GLS: variants seen among roughly 807,000 people sequenced by gnomAD.
GLS encodes glutaminase.
In GLS, 36 loss-of-function variants were observed where a neutral mutation model predicts 86.7. That is an observed-to-expected ratio of 0.42 (90% CI 0.32 to 0.55). The LOEUF (loss-of-function observed/expected upper bound fraction) is 0.55. GLS is among the 20% of genes least tolerant of loss of function. The pLI, the probability that GLS is intolerant of heterozygous loss-of-function variation, is 0.17. For missense variants in GLS, 528 were observed against 833.4 expected, an observed-to-expected ratio of 0.63 and a Z score of 4.51; for synonymous variants, 317 against 305.9, an observed-to-expected ratio of 1.04 and a Z score of -0.38.
chr2:190,936,832 T>G (rs1278404476), intron 14 of GLS, among the ~76,000 whole-genome samples: 1 of 151,294 alleles, frequency 6.6e-6, no homozygotes, highest in Non-Finnish European at 1.5e-5. Context: ...CAGTTTTTAG[T>G]TTTAAGAATC....
intron 14 of GLS, chr2:190,933,081 T>C (rs1690160727): frequency 1.0e-6 from 1 of 989,976 alleles, no homozygotes; most frequent in South Asian, 4.9e-5. Context: ...TACATAAATT[T>C]GCTTTATTTT....
intron 6 of GLS, among the ~76,000 whole-genome samples, chr2:190,909,306 ATATT>A (rs1484331606): frequency 6.6e-6 from 1 of 152,224 alleles, no homozygotes; most frequent in East Asian, 1.9e-4. Context: ...ATTACTTCAT[ATATT>A]TATTTGTAAT....
intron 14 of GLS, among the ~76,000 whole-genome samples, chr2:190,940,862 A>G (rs1404888938): frequency 3.9e-5 from 6 of 152,004 alleles, no homozygotes; most frequent in Non-Finnish European, 8.8e-5. Flanking sequence ...ATGAAAATGT[A>G]TAACCTTTAA....
At chr2:190,928,509 A>G (rs1052472371) in intron 12 of GLS, among the ~76,000 whole-genome samples, 8 of 151,374 alleles carry the variant, frequency 5.3e-5, no homozygotes, top group African/African-American at 1.9e-4. Context: ...TAATTTTTGT[A>G]TTTTTAGTAG....
Position 190,900,675 on chromosome 2 carries a change from A to C in GLS, c.717A>C (p.Lys239Asn), listed in dbSNP as rs374930283. Reference sequence around the variant, plus strand: ...TTGATGAGTTATATGAAAGTGCTAAAAAGCAGTCTGGAGGAAAGGTAATGC... The same window carrying C: ...TTGATGAGTTATATGAAAGTGCTAACAAGCAGTCTGGAGGAAAGGTAATGC... ...SHIDELYESAKKQSGGKVADY... is the reference protein window; with the variant it reads ...SHIDELYESANKQSGGKVADY... The change falls in exon 4 of 18, where the codon AAA (lysine) becomes AAC (asparagine). Residue 239 changes from lysine to asparagine, a missense_variant. Lys to Asn is a moderately conservative substitution (Grantham distance 94, BLOSUM62 0). Coordinates refer to ENST00000320717, the MANE Select transcript of GLS (RefSeq NM_014905.5). 1.9e-6 allele frequency: 3 copies of C among 1,607,540 alleles called. No homozygotes were observed. In the African/African-American group the frequency reaches 4.0e-5, roughly 21 times the overall value.
intron 1 of GLS, among the ~76,000 whole-genome samples, chr2:190,882,902 G>T (rs558745360): frequency 6.6e-6 from 1 of 152,250 alleles, no homozygotes; most frequent in Non-Finnish European, 1.5e-5. Flanking sequence ...TCTCATCTGG[G>T]ACTCACTTTT....
rs1414150930 is a variant in GLS, at chr2:190,962,861, C to T, written c.1885C>T (p.His629Tyr). Residue 629 changes from histidine (H) to tyrosine (Y), a missense_variant, in exon 18 of 18, where the codon CAC becomes TAC. Around this residue, in one of 4 missense-constraint regions of GLS, gnomAD observed 163 missense variants for 429.2 expected, o/e 0.38. Transcript: ENST00000320717. The surrounding 1 kb of genome is among the most constrained non-coding windows in gnomAD (Gnocchi z 4.2). ...TAACACTCCCATGGATGAAGCACTG[C>T]ACTTTGGACACCATGATGTATTTAA... The part of the protein sequence containing the change: ...WNNTPMDEAL[H>Y]FGHHDVFKIL... 3 of 1,585,574 alleles carry T rather than the reference C, an allele frequency of 1.9e-6. No homozygotes were observed. The highest frequency in any genetic ancestry group is 2.6e-6 in the Non-Finnish European group (3 of 1,169,650).
chr2:190,962,989 G>C lies in GLS; in HGVS notation c.*3G>C. On this transcript the variant is annotated 3_prime_UTR_variant, in exon 18 of 18. Transcript: ENST00000320717. The surrounding 1 kb of genome is among the most constrained non-coding windows in gnomAD (Gnocchi z 4.2). The stretch of plus-strand genomic sequence containing the variant: ...AGAATCTTGATGGATTGTTGTAATG[G>C]TCTCAAATCCCAAGATTTAAATCAC... 6.3e-7 allele frequency: 1 copy of C among 1,578,852 alleles called. No individual in the cohort carries two copies. Among genetic ancestry groups the C allele is most frequent in the Non-Finnish European group, 8.6e-7 (1 of 1,166,362 alleles).
rs1690334338 is a variant in GLS, at chr2:190,938,355, T to C, written c.1650+6718T>C. On this transcript the variant is annotated intron_variant, in intron 14 of 17. Coordinates refer to ENST00000320717, the MANE Select transcript of GLS (RefSeq NM_014905.5). The surrounding 1 kb of genome is among the most constrained non-coding windows in gnomAD (Gnocchi z 4.1). ...TTTCTGGTGATTTATGTTTATATAA[T>C]GAAAATCTCCTCTGCACAGCAATTA... Among the ~76,000 whole-genome samples, 1 of 151,586 alleles carries C rather than the reference T, an allele frequency of 6.6e-6. No homozygotes were observed. The highest frequency in any genetic ancestry group is 1.5e-5 in the Non-Finnish European group (1 of 67,542).
intron 17 of GLS, among the ~76,000 whole-genome samples, chr2:190,960,408 G>A (rs1463937140): frequency 7.3e-6 from 1 of 137,628 alleles, no homozygotes; most frequent in Admixed American, 7.9e-5. Context: ...TTGCCACTCA[G>A]GCTGAAGTGC....
At chr2:190,931,509 C>T (rs754961072) in intron 13 of GLS, 36 bp from the exon 14 acceptor site, 8 of 926,292 alleles carry the variant, frequency 8.6e-6, no homozygotes, top group East Asian at 2.5e-5. Flanking sequence ...AATGAATAGC[C>T]AATTTCTTAT....
chr2:190,906,746 A>T (rs1451400717), intron 6 of GLS, among the ~76,000 whole-genome samples: 1 of 152,150 alleles, frequency 6.6e-6, no homozygotes, highest in Non-Finnish European at 1.5e-5. Flanking sequence ...GATCTCGTTC[A>T]TATTTAAAAT....
In GLS at chr2:190,935,806, T is replaced by C. The variant is rs543665686; in HGVS notation, c.1650+4169T>C. Among the ~76,000 whole-genome samples, 2 of 151,374 alleles carry C rather than the reference T, an allele frequency of 1.3e-5. No individual in the cohort carries two copies. The highest frequency in any genetic ancestry group is 4.1e-4 in the South Asian group (2 of 4,826). On this transcript the variant is annotated intron_variant, in intron 14 of 17. Coordinates refer to ENST00000320717, the MANE Select transcript of GLS (RefSeq NM_014905.5). The surrounding 1 kb of genome is among the most constrained non-coding windows in gnomAD (Gnocchi z 4.2). The stretch of plus-strand genomic sequence containing the variant: ...TTTATATTAAACAGAATGACAGTGA[T>C]ACAGAAATTCACCTTAACTGGTTTC...
In GLS at chr2:190,924,077, A is replaced by G; in HGVS notation, c.1197+94A>G. 2 of 683,828 alleles carry G rather than the reference A, an allele frequency of 2.9e-6. No homozygotes were observed. The highest frequency in any genetic ancestry group is 5.1e-6 in the Non-Finnish European group (2 of 390,812). 42.4% of individuals were successfully genotyped at this position (683,828 alleles called of 1,614,324 possible). A position where few individuals can be genotyped will look rare whatever the true frequency, so the allele number is the denominator to read the frequency against. ...AGAATTCAACAATAGCCTTTAAGCAACTACCTATTACTATTTAAGGTGCAG... is the reference window on the plus strand; with the variant it reads ...AGAATTCAACAATAGCCTTTAAGCAGCTACCTATTACTATTTAAGGTGCAG... On this transcript the variant is annotated intron_variant, in intron 10 of 17. Transcript: ENST00000320717. The surrounding 1 kb of genome is among the most constrained non-coding windows in gnomAD (Gnocchi z 5.2).
Position 190,932,761 on chromosome 2 carries a change from GCTTTAAAA to G in GLS, c.1650+1125_1650+1132del, listed in dbSNP as rs778243873. 3 of 1,603,186 alleles carry G rather than the reference GCTTTAAAA, an allele frequency of 1.9e-6. No individual in the cohort carries two copies. The African/African-American group carries it at 4.0e-5, about 22-fold the overall frequency. On this transcript the variant is annotated intron_variant, in intron 14 of 17. Coordinates refer to ENST00000320717, the MANE Select transcript of GLS (RefSeq NM_014905.5). ...CTATGAAAGTCTCCAACAAGAACTT[GCTTTAAAA>G]GAGACAGTATGGAAAAAAGTGTCAC... is the stretch of plus-strand genomic sequence containing the variant.
chr2:190,902,080 A>G (rs567565445), intron 5 of GLS, 54 bp downstream of exon 5: 8 of 949,970 alleles, frequency 8.4e-6, no homozygotes, highest in South Asian at 7.9e-5. Context: ...CTTTTGTATA[A>G]TGGTGAGAAT....
chr2:190,887,718 TAGAA>T (rs1559314145), intron 1 of GLS, among the ~76,000 whole-genome samples: 2 of 152,146 alleles, frequency 1.3e-5, no homozygotes, highest in Admixed American at 1.3e-4. Context: ...ACTGAAGTGT[TAGAA>T]AGATTTATTT....
intron 4 of GLS, among the ~76,000 whole-genome samples, chr2:190,901,427 G>A (rs573714063): frequency 4.1e-4 from 63 of 151,880 alleles, no homozygotes; most frequent in African/African-American, 1.4e-3. Context: ...AGAAGAGGAG[G>A]GATTGGTCTT....
In GLS at chr2:190,925,970, CG is replaced by C. The variant is rs542684453; in HGVS notation, c.1249-1335del. 2.1e-3 allele frequency among the ~76,000 whole-genome samples: 314 copies of C among 152,090 alleles called. 1 individual carries two copies. The highest frequency in any genetic ancestry group is 6.8e-3 in the African/African-American group (284 of 41,500). On this transcript the variant is annotated intron_variant, in intron 11 of 17. Transcript: ENST00000320717. ...CCCCCTGGTCTGTATGAATTTTTTCCGTAAGTTTCTTTTCCTTTGGAATACA... is the reference window on the plus strand; with the variant it reads ...CCCCCTGGTCTGTATGAATTTTTTCCTAAGTTTCTTTTCCTTTGGAATACA...
Sources: allele counts gnomAD v4.1 joint callset (sites outside exome capture counted in the v4.1 genomes callset), GRCh38; gene constraint gnomAD v4.1.1; regional missense constraint gnomAD v4.1.1; non-coding constraint Gnocchi (gnomAD v3.1); transcripts MANE v1.5; gene names NCBI Gene and HGNC (gene_info 2026-07-23, HGNC 2026-07-21).